The following SLCO3A1 variants were observed in gnomAD, a reference collection of about 807,000 sequenced individuals.
The protein encoded by SLCO3A1 is solute carrier organic anion transporter family member 3A1.
SLCO3A1 carries 27 observed loss-of-function variants against 63.1 expected under a neutral mutation model. The observed-to-expected ratio is 0.43, with a 90% CI of 0.32 to 0.59. The LOEUF is 0.59. Ranked by LOEUF, SLCO3A1 falls within the 20% of genes least tolerant of loss-of-function variation. SLCO3A1 has a pLI of 0.09. For synonymous variants in SLCO3A1, 473 were observed against 409.9 expected (o/e 1.15, Z -1.86); for missense variants, 773 against 945.8 (o/e 0.82, Z 2.40).
At chr15:92,038,274 G>T (rs2046752429) in intron 2 of SLCO3A1, among the ~76,000 whole-genome samples, 1 of 152,160 alleles carries the variant, frequency 6.6e-6, no homozygotes, top group African/African-American at 2.4e-5. Context: ...AAGGCACTAG[G>T]TAAGTTACAA....
At chr15:91,907,793 T>C (rs1898357401) in intron 1 of SLCO3A1, among the ~76,000 whole-genome samples, 1 of 152,206 alleles carries the variant, frequency 6.6e-6, no homozygotes, top group Non-Finnish European at 1.5e-5. Flanking sequence ...CCCAAAGTGC[T>C]GGGATTACAG....
At chr15:91,871,923 C>G (rs1897291994) in intron 1 of SLCO3A1, among the ~76,000 whole-genome samples, 1 of 151,650 alleles carries the variant, frequency 6.6e-6, no homozygotes, top group Non-Finnish European at 1.5e-5. Context: ...TGTAATATTC[C>G]ATTGTATTCC....
intron 2 of SLCO3A1, among the ~76,000 whole-genome samples, chr15:92,041,871 G>A (rs747053123): frequency 6.6e-6 from 1 of 151,886 alleles, no homozygotes. Flanking sequence ...TCTGTATGCT[G>A]TAGATTTCTA....
rs1443309052 is a variant in SLCO3A1 at position 91,854,876 on chromosome 15, T to G, written c.180+788T>G. Among the ~76,000 whole-genome samples, 1 of 152,188 alleles carries G rather than the reference T, an allele frequency of 6.6e-6. No individual in the cohort carries two copies. Among genetic ancestry groups the G allele is most frequent in the African/African-American group, 2.4e-5 (1 of 41,440 alleles). On this transcript the variant is annotated intron_variant, in intron 1 of 9. Transcript: ENST00000318445. This position sits in a 1 kb window ranked among gnomAD's most constrained non-coding sequence, Gnocchi z 6.4. ...GGGATGTTAATGCTCAGAGGGCCCATGGGTGCGTAACATTTCAGAGGAAAC... is the reference window on the plus strand; with the variant it reads ...GGGATGTTAATGCTCAGAGGGCCCAGGGGTGCGTAACATTTCAGAGGAAAC...
intron 2 of SLCO3A1, among the ~76,000 whole-genome samples, chr15:91,944,815 C>G (rs1444505000): frequency 6.6e-6 from 1 of 152,136 alleles, no homozygotes; most frequent in Non-Finnish European, 1.5e-5. Context: ...CACGAGCAGG[C>G]TCCCTCTCTC....
At position 91,916,860 on chromosome 15, in the gene SLCO3A1, T is replaced by C. The variant is rs756224265; in HGVS notation, c.646+402T>C. 1.3e-5 allele frequency among the ~76,000 whole-genome samples: 2 copies of C among 152,230 alleles called. No homozygotes were observed. Among genetic ancestry groups the C allele is most frequent in the Non-Finnish European group, 2.9e-5 (2 of 68,042 alleles). ...AAGAATCAGAATGATGTCCTGGTCA[T>C]TGTCCTGTTGCAGCTCAAAAGGAGA... is the stretch of plus-strand genomic sequence containing the variant. On this transcript the variant is annotated intron_variant, in intron 2 of 9. Coordinates refer to ENST00000318445, the MANE Select transcript of SLCO3A1 (RefSeq NM_013272.4). This position sits in a 1 kb window ranked among gnomAD's most constrained non-coding sequence, Gnocchi z 6.2.
chr15:92,103,926 C>T (rs1279170736), intron 3 of SLCO3A1, among the ~76,000 whole-genome samples: 1 of 152,158 alleles, frequency 6.6e-6, no homozygotes, highest in Admixed American at 6.5e-5. Context: ...GAAAATCTAC[C>T]TCTGAACAAT....
intron 1 of SLCO3A1, among the ~76,000 whole-genome samples, chr15:91,879,713 G>C (rs1175953810): frequency 6.6e-6 from 1 of 152,142 alleles, no homozygotes; most frequent in Non-Finnish European, 1.5e-5. Context: ...TCCCTATATA[G>C]ATGTAATTTA....
chr15:92,121,089 C>T (rs1291070596), intron 5 of SLCO3A1, among the ~76,000 whole-genome samples: 1 of 152,204 alleles, frequency 6.6e-6, no homozygotes, highest in Non-Finnish European at 1.5e-5. Context: ...TCATGACACT[C>T]CTTCTCCCCA....
chr15:91,898,354 T>C (rs747155152), intron 1 of SLCO3A1, among the ~76,000 whole-genome samples: 1 of 152,252 alleles, frequency 6.6e-6, no homozygotes. Flanking sequence ...ATATTTCTAA[T>C]ACTGTATTAG....
rs35543509 is a variant in SLCO3A1, at chr15:91,965,721, GGTGT to G, written c.646+49293_646+49296del. On this transcript the variant is annotated intron_variant, in intron 2 of 9. Transcript: ENST00000318445. ...CACTTGAATTGTGGGCAGCCAGCAG[GGTGT>G]GTGTGTGTGTGTGTGTGTGTGTGTG... Among the ~76,000 whole-genome samples the G allele has an allele frequency of 4.7e-3, 690 of 147,492 alleles. 4 individuals are homozygous for G. The highest frequency in any genetic ancestry group is 0.018 in the Middle Eastern group (5 of 282).
chr15:91,966,848 C>T (rs542846314), intron 2 of SLCO3A1, among the ~76,000 whole-genome samples: 12 of 152,284 alleles, frequency 7.9e-5, no homozygotes, highest in Middle Eastern at 3.4e-3. Context: ...GATAAGGTGG[C>T]GCTTTGTAGA....
At chr15:91,937,660 A>G (rs941478872) in intron 2 of SLCO3A1, among the ~76,000 whole-genome samples, 1 of 150,912 alleles carries the variant, frequency 6.6e-6, no homozygotes. Context: ...CAAAGGTTGC[A>G]GTGAGCCAAG....
intron 2 of SLCO3A1, among the ~76,000 whole-genome samples, chr15:91,993,723 A>G (rs1035736307): frequency 2.0e-5 from 3 of 152,208 alleles, no homozygotes; most frequent in Non-Finnish European, 4.4e-5. Flanking sequence ...GTCCTCTCCC[A>G]TAATGAATAA....
In SLCO3A1 at chr15:91,933,482, T is replaced by C. The variant is rs145184913; in HGVS notation, c.646+17024T>C. ...ATATTATTAGCTTCCTTTTTTGTAA[T>C]AAAATGTAGTTTATACAGTTTCTCT... On this transcript the variant is annotated intron_variant, in intron 2 of 9. Transcript: ENST00000318445. Among the ~76,000 whole-genome samples the C allele has an allele frequency of 1.6e-4, 24 of 152,360 alleles. No individual in the cohort carries two copies. In the East Asian group the frequency reaches 2.3e-3, roughly 15 times the overall value.
At chr15:91,879,304 CTT>C (rs11381112) in intron 1 of SLCO3A1, among the ~76,000 whole-genome samples, 2 of 146,576 alleles carry the variant, frequency 1.4e-5, no homozygotes, top group African/African-American at 5.0e-5. Context: ...TTTTTTCTGC[CTT>C]TTTTTTTTTT....
At position 91,872,714 on chromosome 15, in the gene SLCO3A1, T is replaced by C. The variant is rs1308444695; in HGVS notation, c.180+18626T>C. 6.6e-6 allele frequency among the ~76,000 whole-genome samples: 1 copy of C among 152,198 alleles called. No homozygotes were observed. Among genetic ancestry groups the C allele is most frequent in the Non-Finnish European group, 1.5e-5 (1 of 68,036 alleles). ...AGTGTCTTGAGTGTGTTGATATTAT[T>C]TTAACATGTTACCACCTGTGAGAGA... On this transcript the variant is annotated intron_variant, in intron 1 of 9. Transcript: ENST00000318445. This position sits in a 1 kb window ranked among gnomAD's most constrained non-coding sequence, Gnocchi z 4.1.
At position 91,854,028 on chromosome 15, in the gene SLCO3A1, G is replaced by T; in HGVS notation, c.120G>T (p.Lys40Asn). 6.5e-7 allele frequency: 1 copy of T among 1,544,476 alleles called. No individual in the cohort carries two copies. The change falls in exon 1 of 10, where the codon AAG (lysine) becomes AAT (asparagine). Residue 40 changes from lysine to asparagine, a missense_variant. Lys to Asn is a moderately conservative substitution (Grantham distance 94, BLOSUM62 0). Around this residue, in one of 3 missense-constraint regions of SLCO3A1, gnomAD observed 69 missense variants for 64.6 expected, o/e 1.07. Coordinates refer to ENST00000318445, the MANE Select transcript of SLCO3A1 (RefSeq NM_013272.4). This position sits in a 1 kb window ranked among gnomAD's most constrained non-coding sequence, Gnocchi z 6.4. The stretch of plus-strand genomic sequence containing the variant: ...AGGTGTCCTGCTTTTCCAACATCAA[G>T]ATCTTCCTGGTGTCCGAGTGCGCCC... ...KKKVSCFSNI[K>N]IFLVSECALM...
At chr15:92,015,594 T>C (rs2046417169) in intron 2 of SLCO3A1, among the ~76,000 whole-genome samples, 1 of 151,886 alleles carries the variant, frequency 6.6e-6, no homozygotes, top group African/African-American at 2.4e-5. Context: ...CCAAACCATA[T>C]TGGGTTTAGG....
Sources: gnomAD v4.1 joint callset for allele counts (sites outside exome capture counted in the v4.1 genomes callset) on GRCh38, gnomAD v4.1.1 for gene constraint, gnomAD v4.1.1 regional missense constraint, Gnocchi (gnomAD v3.1) non-coding constraint, MANE v1.5 for transcripts, NCBI Gene and HGNC (gene_info 2026-07-23, HGNC 2026-07-21) for gene names.